TENM2: variants seen among roughly 807,000 people sequenced by gnomAD.
TENM2 encodes the protein teneurin-2.
TENM2 carries 52 observed loss-of-function variants against 245.2 expected under a neutral mutation model. That is an observed-to-expected ratio of 0.21 (90% CI 0.17 to 0.27). The LOEUF is 0.27. Ranked by LOEUF, TENM2 falls within the 10% of genes least tolerant of loss-of-function variation. TENM2 has a pLI of 1.00. For synonymous variants in TENM2, 1,363 were observed against 1,438.9 expected (o/e 0.95, Z 1.19); for missense variants, 3,046 against 3,666.8 (o/e 0.83, Z 4.37).
the TENM2 span, among the ~76,000 whole-genome samples, chr5:167,001,755 A>G: frequency 6.6e-6 from 1 of 152,084 alleles, no homozygotes; most frequent in Admixed American, 6.6e-5. Context: ...ATCAGTGGGA[A>G]TGATTGTTTT....
At chr5:168,055,953 A>G (rs1789509177) in intron 6 of TENM2, among the ~76,000 whole-genome samples, 3 of 152,208 alleles carry the variant, frequency 2.0e-5, no homozygotes, top group Admixed American at 2.0e-4. Context: ...ATTCAGCTAG[A>G]CCTTAAAATG....
intron 1 of TENM2, among the ~76,000 whole-genome samples, chr5:167,363,485 A>G (rs748037882): frequency 7.9e-5 from 12 of 152,190 alleles, no homozygotes; most frequent in Non-Finnish European, 1.3e-4. Flanking sequence ...TAATTCCAGC[A>G]CTTTGGGAGG....
Position 167,437,043 on chromosome 5 carries a change from G to A in TENM2, c.502+61570G>A, listed in dbSNP as rs542126104. 7.9e-5 allele frequency among the ~76,000 whole-genome samples: 12 copies of A among 152,282 alleles called. No individual in the cohort carries two copies. The South Asian group carries it at 2.3e-3, about 29-fold the overall frequency. On this transcript the variant is annotated intron_variant, in intron 2 of 28. Transcript: ENST00000518659. ...AGTCCCTACTGGGGCACCGCCTAGT[G>A]CAGCTGTGAGAAGAGGGCCACCATC...
intron 20 of TENM2, among the ~76,000 whole-genome samples, chr5:168,213,052 C>T (rs1762909113): frequency 1.3e-5 from 2 of 152,168 alleles, no homozygotes; most frequent in African/African-American, 2.4e-5. Flanking sequence ...GTTGATAATG[C>T]CAGCTACTGT....
chr5:167,794,393 G>A (rs114541960), intron 2 of TENM2, among the ~76,000 whole-genome samples: 129 of 152,316 alleles, frequency 8.5e-4, no homozygotes, highest in Non-Finnish European at 1.6e-3. Flanking sequence ...ACAGGGTCAC[G>A]TCATCAGTAG....
chr5:167,991,191 G>A (rs1051028421), intron 4 of TENM2, among the ~76,000 whole-genome samples: 2 of 152,184 alleles, frequency 1.3e-5, no homozygotes, highest in Non-Finnish European at 2.9e-5. Context: ...AAACTAAGTA[G>A]CACCTACTGA....
At chr5:167,219,346 C>A in the TENM2 span, among the ~76,000 whole-genome samples, 1 of 142,520 alleles carries the variant, frequency 7.0e-6, no homozygotes, top group African/African-American at 2.8e-5. Flanking sequence ...ACAAAACCAA[C>A]CAAACAAAAC....
chr5:167,546,907 C>G (rs143937425), intron 2 of TENM2, among the ~76,000 whole-genome samples: 2 of 152,148 alleles, frequency 1.3e-5, no homozygotes, highest in Admixed American at 6.6e-5. Context: ...TGCTGGCCTC[C>G]TCTCCTGGGC....
chr5:168,040,636 T>A (rs1172005235), intron 5 of TENM2, among the ~76,000 whole-genome samples: 1 of 152,228 alleles, frequency 6.6e-6, no homozygotes, highest in East Asian at 1.9e-4. Context: ...ATTTTTAAAC[T>A]CCTTTTAAGA....
chr5:167,867,085 C>A (rs1352557939), intron 2 of TENM2, among the ~76,000 whole-genome samples: 2 of 152,092 alleles, frequency 1.3e-5, no homozygotes, highest in African/African-American at 2.4e-5. Context: ...ATGTGTCAAG[C>A]AATTAGAACT....
chr5:167,084,327 TTATATATATA>T, the TENM2 span, among the ~76,000 whole-genome samples: 2,099 of 23,180 alleles, frequency 0.091, 235 homozygotes, highest in East Asian at 0.18. Context: ...GCCATTTTAG[TTATATATATA>T]TATATATATA....
chr5:168,160,836 G>A (rs4616923), intron 12 of TENM2, among the ~76,000 whole-genome samples: 3,417 of 151,970 alleles, frequency 0.022, 142 homozygotes, highest in African/African-American at 0.078. Context: ...GACTAACCTG[G>A]GCAACATAGC....
chr5:167,577,399 G>T (rs1774778443), intron 2 of TENM2, among the ~76,000 whole-genome samples: 1 of 152,054 alleles, frequency 6.6e-6, no homozygotes, highest in African/African-American at 2.4e-5. Context: ...CTCTTTGTCA[G>T]TTTTCCTTCC....
chr5:167,625,099 C>T (rs1778413723), intron 2 of TENM2, among the ~76,000 whole-genome samples: 1 of 152,102 alleles, frequency 6.6e-6, no homozygotes, highest in Non-Finnish European at 1.5e-5. Context: ...AGAGCTGTCA[C>T]TTCACCTTTT....
the TENM2 span, among the ~76,000 whole-genome samples, chr5:167,063,328 T>C: frequency 6.6e-6 from 1 of 152,184 alleles, no homozygotes; most frequent in Non-Finnish European, 1.5e-5. Flanking sequence ...TGCTAAATTA[T>C]GTTCTCACAC....
chr5:167,959,226 G>A (rs1780808230), intron 4 of TENM2, among the ~76,000 whole-genome samples: 2 of 139,746 alleles, frequency 1.4e-5, no homozygotes, highest in Middle Eastern at 3.8e-3. Context: ...ATGGAGTCTC[G>A]CTCTGTCGCC....
At chr5:167,997,216 C>T (rs1562030859) in intron 5 of TENM2, among the ~76,000 whole-genome samples, 1 of 152,202 alleles carries the variant, frequency 6.6e-6, no homozygotes, top group Non-Finnish European at 1.5e-5. Context: ...GCACTAGGCC[C>T]TTGGTCTCTT....
intron 2 of TENM2, among the ~76,000 whole-genome samples, chr5:167,390,699 A>C (rs1192836981): frequency 6.6e-6 from 1 of 152,214 alleles, no homozygotes; most frequent in African/African-American, 2.4e-5. Context: ...AACAGTAGAA[A>C]CATTTCTATA....
chr5:167,493,109 A>G (rs766990317), intron 2 of TENM2, among the ~76,000 whole-genome samples: 1 of 152,050 alleles, frequency 6.6e-6, no homozygotes, highest in Non-Finnish European at 1.5e-5. Context: ...TGATAGGTTC[A>G]TATTCATTGA....
Sources: gnomAD v4.1 joint callset for allele counts (sites outside exome capture counted in the v4.1 genomes callset) on GRCh38, gnomAD v4.1.1 for gene constraint, MANE v1.5 for transcripts, NCBI Gene and HGNC (gene_info 2026-07-23, HGNC 2026-07-21) for gene names.